Variants in AGPS observed in about 807,000 individuals in gnomAD.
AGPS encodes alkylglycerone phosphate synthase, also known as alkyldihydroxyacetonephosphate synthase, peroxisomal.
AGPS carries 26 observed loss-of-function variants against 90.7 expected under a neutral mutation model. The observed-to-expected ratio is 0.29, with a 90% CI of 0.21 to 0.40. The LOEUF (loss-of-function observed/expected upper bound fraction) is 0.40. Ranked by LOEUF, AGPS falls within the 10% of genes least tolerant of loss-of-function variation. The probability of loss-of-function intolerance (pLI) is 1.00; values close to 1 mark genes in which losing one functional copy is unlikely to be tolerated. For missense variants in AGPS, 540 were observed against 816.1 expected (o/e 0.66, Z 4.12); for synonymous variants, 294 against 285.3 (o/e 1.03, Z -0.31).
At chr2:177,520,871 C>T (rs773186470) in intron 17 of AGPS, among the ~76,000 whole-genome samples, 5 of 152,258 alleles carry the variant, frequency 3.3e-5, no homozygotes, top group East Asian at 1.9e-4. Flanking sequence ...TGATAGTTCT[C>T]ATTACTTCTA....
chr2:177,488,892 C>G (rs1688171372), intron 11 of AGPS, among the ~76,000 whole-genome samples: 1 of 152,076 alleles, frequency 6.6e-6, no homozygotes, highest in Non-Finnish European at 1.5e-5. Context: ...ATCCTTATGA[C>G]ATTACGTTAG....
rs116416500 is a variant in AGPS, at chr2:177,400,501, G to A, written c.260+7452G>A. On this transcript the variant is annotated intron_variant, in intron 1 of 19. Transcript: ENST00000264167. Reference sequence around the variant, plus strand: ...CTGGATCTTTCAGTAGTTGAAATACGCTTACTCATTGAAAAAAACTGCTAC... The same window carrying A: ...CTGGATCTTTCAGTAGTTGAAATACACTTACTCATTGAAAAAAACTGCTAC... Among the ~76,000 whole-genome samples the A allele has an allele frequency of 1.8e-4, 27 of 152,106 alleles. 1 individual carries two copies. Among genetic ancestry groups the A allele is most frequent in the African/African-American group, 4.6e-4 (19 of 41,502 alleles).
chr2:177,394,318 T>C (rs1685107660), intron 1 of AGPS, among the ~76,000 whole-genome samples: 1 of 152,222 alleles, frequency 6.6e-6, no homozygotes, highest in Non-Finnish European at 1.5e-5. Flanking sequence ...TTTGTGTTTG[T>C]TAGTGCAAAG....
chr2:177,431,712 A>G (rs1434788482), intron 2 of AGPS, among the ~76,000 whole-genome samples: 1 of 152,138 alleles, frequency 6.6e-6, no homozygotes. Flanking sequence ...GAAGAAAAAT[A>G]TGGCTCTATT....
rs565142119 is a variant in AGPS, at chr2:177,518,037, T to C, written c.1698-3232T>C. 1.1e-4 allele frequency among the ~76,000 whole-genome samples: 17 copies of C among 152,336 alleles called. No individual in the cohort carries two copies. The South Asian group carries it at 3.5e-3, about 32-fold the overall frequency. ...CATCTCAGAAGAAGCATGATATTTA[T>C]TAAGTCTCATTATTGGTGACATTAA... is the stretch of plus-strand genomic sequence containing the variant. On this transcript the variant is annotated intron_variant, in intron 17 of 19. Coordinates refer to ENST00000264167, the MANE Select transcript of AGPS (RefSeq NM_003659.4).
chr2:177,497,558 A>G (rs1265436561), intron 12 of AGPS, 131 bp from the exon 13 acceptor site: 8 of 414,088 alleles, frequency 1.9e-5, no homozygotes, highest in Non-Finnish European at 2.2e-5. Flanking sequence ...TATGTAAATA[A>G]CACGGGAAGA....
intron 1 of AGPS, among the ~76,000 whole-genome samples, chr2:177,400,625 T>C (rs1037793656): frequency 3.3e-5 from 5 of 152,208 alleles, no homozygotes; most frequent in African/African-American, 1.2e-4. Flanking sequence ...AGAAAACTGT[T>C]ATATGATTGC....
At chr2:177,511,303 GCCCAGGCTGGTCTTGAA>G (rs1688863248) in intron 16 of AGPS, among the ~76,000 whole-genome samples, 2 of 151,880 alleles carry the variant, frequency 1.3e-5, no homozygotes, top group Non-Finnish European at 2.9e-5. Context: ...TCATTATGTT[GCCCAGGCTGGTCTTGAA>G]CCCCTGGGCT....
At chr2:177,450,498 G>A (rs1423783377) in intron 8 of AGPS, among the ~76,000 whole-genome samples, 1 of 152,090 alleles carries the variant, frequency 6.6e-6, no homozygotes, top group Admixed American at 6.5e-5. Flanking sequence ...TGAAGTTAAT[G>A]ATTTTTGCAC....
chr2:177,438,858 T>C (rs1686503799), intron 5 of AGPS, among the ~76,000 whole-genome samples: 1 of 152,194 alleles, frequency 6.6e-6, no homozygotes, highest in Non-Finnish European at 1.5e-5. Context: ...TTAATTTTAA[T>C]GTGAATTTCC....
chr2:177,536,498 T>C (rs1262387940), intron 19 of AGPS, among the ~76,000 whole-genome samples: 2 of 151,916 alleles, frequency 1.3e-5, no homozygotes, highest in Non-Finnish European at 2.9e-5. Flanking sequence ...AATATTAGAG[T>C]TGAAGAGACC....
chr2:177,515,310 T>C (rs1688990594), intron 17 of AGPS, among the ~76,000 whole-genome samples: 1 of 152,170 alleles, frequency 6.6e-6, no homozygotes. Flanking sequence ...CTCTCTTTTA[T>C]TGTAATCCTG....
At chr2:177,422,782 CAT>C (rs1486056449) in intron 2 of AGPS, among the ~76,000 whole-genome samples, 1 of 152,178 alleles carries the variant, frequency 6.6e-6, no homozygotes, top group Non-Finnish European at 1.5e-5. Context: ...TGAATTGAAT[CAT>C]AACTTTCTCT....
chr2:177,455,820 C>T (rs73976713), intron 8 of AGPS, among the ~76,000 whole-genome samples: 6,413 of 150,792 alleles, frequency 0.043, 455 homozygotes, highest in African/African-American at 0.15. Flanking sequence ...CAATATTGCT[C>T]TATAATATAA....
At chr2:177,534,059 G>T (rs80095724) in intron 19 of AGPS, among the ~76,000 whole-genome samples, 74 of 152,276 alleles carry the variant, frequency 4.9e-4, no homozygotes, top group African/African-American at 1.7e-3. Context: ...ATAATCAAAT[G>T]TGTGATTCAA....
At chr2:177,405,196 C>T (rs2105590868) in intron 1 of AGPS, among the ~76,000 whole-genome samples, 1 of 152,330 alleles carries the variant, frequency 6.6e-6, no homozygotes, top group South Asian at 2.1e-4. Context: ...CCCACTCCTT[C>T]AGGAATTCAG....
Position 177,482,181 on chromosome 2 carries a change from A to G in AGPS, c.1228A>G (p.Lys410Glu), listed in dbSNP as rs762982836. Residue 410 changes from lysine (K) to glutamate (E), a missense_variant, in exon 11 of 20, where the codon AAA (lysine) becomes GAA (glutamate). Lys to Glu is a moderately conservative substitution (Grantham distance 56). Coordinates refer to ENST00000264167, the MANE Select transcript of AGPS (RefSeq NM_003659.4). ...AGTAGCCTGTTTAAGAGAAATTGCA[A>G]AACAGGTAAAAGAAAAAATATATAT... Reference protein sequence around the residue: ...QGVACLREIAKQRCAPASIRL... With the variant: ...QGVACLREIAEQRCAPASIRL... The G allele has an allele frequency of 3.2e-6, 5 of 1,564,530 alleles. No homozygotes were observed. The highest frequency in any genetic ancestry group is 4.4e-6 in the Non-Finnish European group (5 of 1,146,964).
chr2:177,413,846 A>G (rs2105601643), intron 1 of AGPS, among the ~76,000 whole-genome samples: 1 of 152,354 alleles, frequency 6.6e-6, no homozygotes, highest in East Asian at 1.9e-4. Context: ...ATACACTACT[A>G]AATGTATGAA....
chr2:177,402,839 C>G (rs1685367439), intron 1 of AGPS, among the ~76,000 whole-genome samples: 1 of 152,056 alleles, frequency 6.6e-6, no homozygotes, highest in South Asian at 2.1e-4. Context: ...GGTGGATTAC[C>G]TGAGGTTAGG....
Sources: gnomAD v4.1 joint callset for allele counts (sites outside exome capture counted in the v4.1 genomes callset) on GRCh38, gnomAD v4.1.1 for gene constraint, MANE v1.5 for transcripts, NCBI Gene and HGNC (gene_info 2026-07-23, HGNC 2026-07-21) for gene names.